PKD1L3: variants seen among roughly 807,000 people sequenced by gnomAD.
The protein encoded by PKD1L3 is polycystin 1 like 3, transient receptor potential channel interacting.
PKD1L3 carries 239 observed loss-of-function variants against 184.1 expected under a neutral mutation model. That is an observed-to-expected ratio of 1.30 (90% CI 1.17 to 1.45). PKD1L3 has a LOEUF of 1.45. Ranked by LOEUF, PKD1L3 falls within the 40% of genes most tolerant of loss-of-function variation. The pLI is 0.00. For missense variants in PKD1L3, 2,660 were observed against 2,067.2 expected, an observed-to-expected ratio of 1.29 and a Z score of -5.56; for synonymous variants, 996 against 778.8, an observed-to-expected ratio of 1.28 and a Z score of -4.64.
intron 28 of PKD1L3, chr16:71,930,455 TCA>T (rs869206779): frequency 3.6e-6 from 1 of 281,034 alleles, no homozygotes; most frequent in East Asian, 6.0e-5. Context: ...GATTCAAATG[TCA>T]CATGAGTTTT....
Position 71,937,290 on chromosome 16 carries a change from A to G in PKD1L3, c.4452+2T>C. 1 of 1,550,318 alleles carries G rather than the reference A, an allele frequency of 6.5e-7. No individual in the cohort carries two copies. Among genetic ancestry groups the G allele is most frequent in the Non-Finnish European group, 8.7e-7 (1 of 1,146,514 alleles). On this transcript the variant is annotated splice_donor_variant, in intron 25 of 29. Transcript: ENST00000620267. LOFTEE classifies it high-confidence loss of function. ...GGCTGACATCTAACATTATTGACTC[A>G]CCTGTATGAAGGCATAGTAACAGAC...
chr16:71,987,696 G>T (rs1407169004), intron 4 of PKD1L3, among the ~76,000 whole-genome samples: 1 of 151,810 alleles, frequency 6.6e-6, no homozygotes, highest in Non-Finnish European at 1.5e-5. Context: ...TTTTAGACAG[G>T]ATTTCACTAC....
Position 71,935,527 on chromosome 16 carries a change from A to G in PKD1L3, c.4453-9T>C. On this transcript the variant is annotated splice_polypyrimidine_tract_variant and intron_variant, in intron 25 of 29. Coordinates refer to ENST00000620267, the MANE Select transcript of PKD1L3 (RefSeq NM_181536.2). ...TGTTTCAGCTGACAACCCTAAACAT[A>G]GACAGCACAGTCACTGTTGCTTGTC... is the stretch of plus-strand genomic sequence containing the variant. The G allele has an allele frequency of 6.4e-7, 1 of 1,551,220 alleles. No individual in the cohort carries two copies. The highest frequency in any genetic ancestry group is 8.7e-7 in the Non-Finnish European group (1 of 1,146,458).
chr16:71,976,571 C>T (rs2039932583), intron 11 of PKD1L3, among the ~76,000 whole-genome samples: 1 of 151,662 alleles, frequency 6.6e-6, no homozygotes, highest in Non-Finnish European at 1.5e-5. Context: ...TCTGTTATTT[C>T]TTATAACTGC....
At chr16:71,997,645 G>C (rs1368406672) in intron 2 of PKD1L3, among the ~76,000 whole-genome samples, 1 of 152,116 alleles carries the variant, frequency 6.6e-6, no homozygotes, top group African/African-American at 2.4e-5. Flanking sequence ...CTACTAGGGA[G>C]GCTGAGGCAG....
intron 6 of PKD1L3, among the ~76,000 whole-genome samples, chr16:71,983,675 T>TTTC (rs2040248906): frequency 7.4e-6 from 1 of 134,446 alleles, no homozygotes; most frequent in African/African-American, 2.8e-5. Flanking sequence ...TTTTTTTTTT[T>TTTC]TTTTTTTTTT....
chr16:71,972,327 G>A (rs1158443194), intron 12 of PKD1L3, among the ~76,000 whole-genome samples: 10 of 152,322 alleles, frequency 6.6e-5, no homozygotes, highest in East Asian at 1.9e-4. Flanking sequence ...TGAGCCCAGC[G>A]GGGCAGAGGT....
chr16:71,942,607 T>C lies in PKD1L3; in HGVS notation c.4277A>G (p.Glu1426Gly). Residue 1426 changes from glutamate to glycine, a missense_variant, in exon 24 of 30, where the codon GAA becomes GGA. Glu to Gly is a moderately conservative substitution (Grantham distance 98, BLOSUM62 -2). Coordinates refer to ENST00000620267, the MANE Select transcript of PKD1L3 (RefSeq NM_181536.2). ...MVLIPTDELH[E>G]RLTSKNENGF... ...ATTCTCATTCTTGCTTGTCAGCCTT[T>C]CGTGAAGCTCATCAGTGGGAATCAG... The C allele has an allele frequency of 6.4e-7, 1 of 1,551,672 alleles. No homozygotes were observed. The highest frequency in any genetic ancestry group is 2.4e-5 in the East Asian group (1 of 40,912).
At chr16:71,973,287 G>A in intron 12 of PKD1L3, 37 bp downstream of exon 12, 3 of 1,541,018 alleles carry the variant, frequency 1.9e-6, no homozygotes, top group Non-Finnish European at 2.6e-6. Context: ...AGTAGCTATG[G>A]CAGAAGAGAG....
chr16:71,931,176 C>T (rs893182209), intron 28 of PKD1L3: 1 of 151,668 alleles, frequency 6.6e-6, no homozygotes, highest in Non-Finnish European at 1.5e-5. Context: ...CTTTTTTATC[C>T]CCAAAAGGAG....
At chr16:71,964,763 C>G (rs997746374) in intron 15 of PKD1L3, among the ~76,000 whole-genome samples, 1 of 151,988 alleles carries the variant, frequency 6.6e-6, no homozygotes, top group Admixed American at 6.6e-5. Flanking sequence ...GAACAATGAT[C>G]TGCTGTCCTC....
chr16:71,988,733 G>A (rs2040475361), intron 4 of PKD1L3, among the ~76,000 whole-genome samples: 1 of 152,178 alleles, frequency 6.6e-6, no homozygotes, highest in African/African-American at 2.4e-5. Context: ...CGGGAGAAAA[G>A]CACACACATT....
intron 21 of PKD1L3, 132 bp downstream of exon 21, chr16:71,949,651 C>G: frequency 1.2e-6 from 1 of 838,336 alleles, no homozygotes; most frequent in Non-Finnish European, 1.8e-6. Flanking sequence ...CTACACCCAG[C>G]CTGGTTTGCC....
At position 71,993,264 on chromosome 16, in the gene PKD1L3, T is replaced by C; in HGVS notation, c.487A>G (p.Lys163Glu). 6.4e-7 allele frequency: 1 copy of C among 1,550,982 alleles called. No homozygotes were observed. The highest frequency in any genetic ancestry group is 8.7e-7 in the Non-Finnish European group (1 of 1,146,772). Residue 163 changes from lysine to glutamate, a missense_variant, in exon 3 of 30, where the codon AAG (lysine) becomes GAG (glutamate). Coordinates refer to ENST00000620267, the MANE Select transcript of PKD1L3 (RefSeq NM_181536.2). ...GNNSHLYQRH[K>E]KTKRGVAIAR... ...ATTGCAACTCCTCTTTTTGTCTTCT[T>C]GTGTCTCTGGTACAAATGGGAATTA...
At position 71,982,215 on chromosome 16, in the gene PKD1L3, A is replaced by G. The variant is rs1021419627; in HGVS notation, c.987T>C (p.Leu329=). Residue 329 remains leucine, a synonymous_variant, in exon 7 of 30, where the codon CTT becomes CTC. Transcript: ENST00000620267. Reference sequence around the variant, plus strand: ...TGAGTAACTCCTCACTCAGGTAAATAAGGGAATTGATGAGATTAACCTGGG... The same window carrying G: ...TGAGTAACTCCTCACTCAGGTAAATGAGGGAATTGATGAGATTAACCTGGG... ...KPAQVNLINS[L]IYLSEELLRI... The G allele has an allele frequency of 1.6e-5, 25 of 1,546,230 alleles. No individual in the cohort carries two copies. Among genetic ancestry groups the G allele is most frequent in the Non-Finnish European group, 2.2e-5 (25 of 1,144,594 alleles).
rs371771487 is a variant in PKD1L3, at chr16:71,984,786, G to A, written c.835-619C>T. ...AGGCAGGAGAATCTCTTGAACCCGGGAGGCAGAGGTTGCAGTGAGCCGAGA... is the reference window on the plus strand; with the variant it reads ...AGGCAGGAGAATCTCTTGAACCCGGAAGGCAGAGGTTGCAGTGAGCCGAGA... On this transcript the variant is annotated intron_variant, in intron 5 of 29. Coordinates refer to ENST00000620267, the MANE Select transcript of PKD1L3 (RefSeq NM_181536.2). Among the ~76,000 whole-genome samples, 3 of 152,292 alleles carry A rather than the reference G, an allele frequency of 2.0e-5. No individual in the cohort carries two copies. The East Asian group carries it at 5.8e-4, about 29-fold the overall frequency.
At chr16:71,990,750 AAAAT>A (rs1376333526) in intron 3 of PKD1L3, among the ~76,000 whole-genome samples, 1 of 152,038 alleles carries the variant, frequency 6.6e-6, no homozygotes, top group African/African-American at 2.4e-5. Context: ...CTGCCAAAAA[AAAAT>A]AAAGGTAAGG....
rs1555528549 is a variant in PKD1L3, at chr16:71,997,789, A to AAAT, written c.418+482_418+483insATT. Among the ~76,000 whole-genome samples, 7 of 151,664 alleles carry AAAT rather than the reference A, an allele frequency of 4.6e-5. No individual in the cohort carries two copies. The South Asian group carries it at 6.2e-4, about 14-fold the overall frequency. On this transcript the variant is annotated intron_variant, in intron 2 of 29. Transcript: ENST00000620267. ...TAAATAAATAAATAAATAAATAAAT[A>AAAT]CAACAACTACACACACACAAATGCA... is the stretch of plus-strand genomic sequence containing the variant.
Position 71,993,305 on chromosome 16 carries a change from T to C in PKD1L3, c.446A>G (p.Tyr149Cys), listed in dbSNP as rs2040663139. The change falls in exon 3 of 30, where the codon TAT becomes TGT. Residue 149 changes from tyrosine (Y) to cysteine (C), a missense_variant. Physicochemically the swap from Tyr to Cys is radical, Grantham distance 194. Coordinates refer to ENST00000620267, the MANE Select transcript of PKD1L3 (RefSeq NM_181536.2). Reference protein sequence around the residue: ...TGDFLDGDAHYERNGNNSHLY... With the variant: ...TGDFLDGDAHCERNGNNSHLY... ...ATGGGAATTATTTCCATTTCTTTCA[T>C]AATGGGCATCTCCGTCCAAAAAGTC... 2.6e-6 allele frequency: 4 copies of C among 1,549,316 alleles called. No individual in the cohort carries two copies. Among genetic ancestry groups the C allele is most frequent in the South Asian group, 1.2e-5 (1 of 83,742 alleles).
Sources: allele counts gnomAD v4.1 joint callset (sites outside exome capture counted in the v4.1 genomes callset), GRCh38; gene constraint gnomAD v4.1.1; transcripts MANE v1.5; gene names NCBI Gene and HGNC (gene_info 2026-07-23, HGNC 2026-07-21).